Variants in UPK1A observed in about 807,000 individuals in gnomAD.
The protein encoded by UPK1A is uroplakin 1A.
Under a neutral mutation model 32.3 loss-of-function variants are expected in UPK1A, and 31 were observed. That is an observed-to-expected ratio of 0.96 (90% confidence interval 0.72 to 1.30). The LOEUF (loss-of-function observed/expected upper bound fraction) is 1.30. Among genes scored for constraint, UPK1A ranks in the 50% most tolerant of loss-of-function variants. The probability of loss-of-function intolerance (pLI) is 0.00; values close to 1 mark genes in which losing one functional copy is unlikely to be tolerated. For synonymous variants in UPK1A, 135 were observed against 137.1 expected, an observed-to-expected ratio of 0.98 and a Z score of 0.11; for missense variants, 340 against 357.4, an observed-to-expected ratio of 0.95 and a Z score of 0.39.
At chr19:35,669,444 C>T (rs1485576207) in intron 3 of UPK1A, among the ~76,000 whole-genome samples, 3 of 148,886 alleles carry the variant, frequency 2.0e-5, no homozygotes, top group Non-Finnish European at 3.0e-5. Context: ...GCGGACAGAT[C>T]ATTTGAGGTC....
At chr19:35,673,825 A>G (rs985850971) in intron 5 of UPK1A, among the ~76,000 whole-genome samples, 7 of 152,188 alleles carry the variant, frequency 4.6e-5, no homozygotes, top group Non-Finnish European at 8.8e-5. Flanking sequence ...TAGCCTACAC[A>G]TACTACCTCA....
At chr19:35,675,633 G>A (rs1314389366) in intron 5 of UPK1A, among the ~76,000 whole-genome samples, 1 of 152,102 alleles carries the variant, frequency 6.6e-6, no homozygotes, top group Non-Finnish European at 1.5e-5. Context: ...TCCCCCATCA[G>A]CCTCCTGGTC....
At chr19:35,673,011 C>T (rs1283294522) in intron 3 of UPK1A, among the ~76,000 whole-genome samples, 1 of 152,156 alleles carries the variant, frequency 6.6e-6, no homozygotes, top group East Asian at 1.9e-4. Flanking sequence ...CACCACGCCT[C>T]GCCTGTCTCA....
intron 3 of UPK1A, among the ~76,000 whole-genome samples, chr19:35,669,663 T>C (rs781730387): frequency 6.6e-6 from 1 of 151,792 alleles, no homozygotes; most frequent in Non-Finnish European, 1.5e-5. Context: ...AAAGCGAGAC[T>C]CCATCTCAAA....
chr19:35,676,347 T>C (rs2146389646), intron 6 of UPK1A: 1 of 444,768 alleles, frequency 2.2e-6, no homozygotes, highest in East Asian at 5.0e-5. Context: ...CGCACCACCC[T>C]CTTGGCTAGT....
At chr19:35,669,670 C>CA (rs907911780) in intron 3 of UPK1A, among the ~76,000 whole-genome samples, 12 of 151,598 alleles carry the variant, frequency 7.9e-5, no homozygotes, top group East Asian at 7.7e-4. Context: ...GACTCCATCT[C>CA]AAAAAAAAGG....
rs566467022 is a variant in UPK1A, at chr19:35,677,509, G to C, written c.649-303G>C. Among the ~76,000 whole-genome samples, 80 of 151,334 alleles carry C rather than the reference G, an allele frequency of 5.3e-4. 1 individual carries two copies. The highest frequency in any genetic ancestry group is 4.3e-4 in the Non-Finnish European group (29 of 67,906). On this transcript the variant is annotated intron_variant, in intron 6 of 7. Transcript: ENST00000617999. ...CCACTGCACTGTAGCCTGGGTGACAGAGGGAGACTGCGAGACTGTCTCCAA... is the reference window on the plus strand; with the variant it reads ...CCACTGCACTGTAGCCTGGGTGACACAGGGAGACTGCGAGACTGTCTCCAA...
At chr19:35,671,950 T>C (rs1968108119) in intron 3 of UPK1A, among the ~76,000 whole-genome samples, 1 of 152,148 alleles carries the variant, frequency 6.6e-6, no homozygotes, top group Non-Finnish European at 1.5e-5. Flanking sequence ...CACTTGCCTG[T>C]AAATACTGGA....
intron 3 of UPK1A, among the ~76,000 whole-genome samples, chr19:35,672,543 C>T (rs1968118584): frequency 6.6e-6 from 1 of 151,798 alleles, no homozygotes; most frequent in Admixed American, 6.6e-5. Flanking sequence ...GTTGGGATTA[C>T]AGGCGTAAGC....
intron 3 of UPK1A, among the ~76,000 whole-genome samples, chr19:35,671,847 A>G (rs1224941391): frequency 6.6e-6 from 1 of 152,050 alleles, no homozygotes; most frequent in Non-Finnish European, 1.5e-5. Context: ...TTTCAACAAC[A>G]TCAGCTGCAG....
In UPK1A at chr19:35,677,801, C is replaced by T. The variant is rs1413932083; in HGVS notation, c.649-11C>T. On this transcript the variant is annotated splice_polypyrimidine_tract_variant and intron_variant, in intron 6 of 7. Coordinates refer to ENST00000617999, the Ensembl canonical transcript of UPK1A. ...GGCGTCTTCTCAAACTTCCCCCATC[C>T]CCCTGCCCAGGGCTGCTTCGAACAC... 2.7e-5 allele frequency: 43 copies of T among 1,612,138 alleles called. No homozygotes were observed. Among genetic ancestry groups the T allele is most frequent in the Non-Finnish European group, 3.6e-5 (43 of 1,179,978 alleles).
chr19:35,674,241 C>CTTTTTT (rs35857173), intron 5 of UPK1A, among the ~76,000 whole-genome samples: 21 of 98,978 alleles, frequency 2.1e-4, no homozygotes, highest in Admixed American at 5.9e-4. Context: ...TTCTTTTTAT[C>CTTTTTT]TTTTTTTTTT....
intron 6 of UPK1A, among the ~76,000 whole-genome samples, 176 bp from the exon 7 acceptor site, chr19:35,677,636 T>C (rs1045156931): frequency 1.3e-5 from 2 of 151,732 alleles, no homozygotes; most frequent in Non-Finnish European, 1.5e-5. Flanking sequence ...CAACATCAGC[T>C]CCCTGGGGCC....
intron 2 of UPK1A, among the ~76,000 whole-genome samples, chr19:35,667,560 C>A (rs944350296): frequency 6.6e-6 from 1 of 151,596 alleles, no homozygotes; most frequent in Non-Finnish European, 1.5e-5. Flanking sequence ...GTGGCGAGAT[C>A]TCGGCTCACT....
chr19:35,668,096 A>G lies in UPK1A; in HGVS notation c.85-358A>G, dbSNP rs917615754. 12 of 336,682 alleles carry G rather than the reference A, an allele frequency of 3.6e-5. No individual in the cohort carries two copies. In the East Asian group the frequency reaches 6.6e-4, roughly 18 times the overall value. The allele number at this position is 336,682 out of a possible 1,614,324, so 20.9% of individuals were successfully genotyped here. A position where few individuals can be genotyped will look rare whatever the true frequency, so the allele number is the denominator to read the frequency against. The stretch of plus-strand genomic sequence containing the variant: ...AGCCACCTTGCCTGGCCCATTTGTA[A>G]TGTTTATGGCCATGGCCATGTTCCC... On this transcript the variant is annotated intron_variant, in intron 2 of 7. Transcript: ENST00000617999.
At chr19:35,669,556 C>T (rs1007078402) in intron 3 of UPK1A, among the ~76,000 whole-genome samples, 6 of 151,832 alleles carry the variant, frequency 4.0e-5, no homozygotes, top group African/African-American at 1.5e-4. Context: ...CTGTAATCCC[C>T]GCTACTCAGG....
chr19:35,668,229 G>C, intron 2 of UPK1A: 1 of 604,244 alleles, frequency 1.7e-6, no homozygotes, highest in Non-Finnish European at 2.9e-6. Flanking sequence ...TTTTATCCCC[G>C]AAGAAACTGG....
chr19:35,676,202 T>C (rs778285255), intron 6 of UPK1A, 183 bp downstream of exon 6: 99 of 833,854 alleles, frequency 1.2e-4, no homozygotes, highest in Admixed American at 4.0e-4. Flanking sequence ...TTTCTTTTTT[T>C]TTTTTCAAGA....
intron 5 of UPK1A, among the ~76,000 whole-genome samples, chr19:35,674,275 C>G (rs1297174589): frequency 9.1e-6 from 1 of 109,582 alleles, no homozygotes; most frequent in African/African-American, 3.6e-5. Context: ...GAGACAGAGT[C>G]TTGCTCTGTC....
Sources: allele counts gnomAD v4.1 joint callset (sites outside exome capture counted in the v4.1 genomes callset), GRCh38; gene constraint gnomAD v4.1.1; transcripts MANE v1.5; gene names NCBI Gene and HGNC (gene_info 2026-07-23, HGNC 2026-07-21).